Variants in PXDC1 observed in about 807,000 individuals in gnomAD.
The protein encoded by PXDC1 is PX domain containing 1, also known as PX domain-containing protein 1.
Under a neutral mutation model 24.4 loss-of-function variants are expected in PXDC1, and 13 were observed. The ratio of observed to expected loss-of-function variants is 0.53; its 90% confidence interval spans 0.35 to 0.85. The LOEUF is 0.85. PXDC1 is among the 40% of genes least tolerant of loss of function. The pLI is 0.01. For missense variants in PXDC1, 344 were observed against 309.3 expected, an observed-to-expected ratio of 1.11 and a Z score of -0.84; for synonymous variants, 162 against 124.9, an observed-to-expected ratio of 1.30 and a Z score of -1.98.
rs1760040345 is a variant in PXDC1 at position 3,725,407 on chromosome 6, CTG to C, written c.579-1673_579-1672del. ...CAGGCAATCCCTTCGCCAGCTGAGA[CTG>C]TCACCTGCAGAGCCCCAGAAGTCCC... is the stretch of plus-strand genomic sequence containing the variant. On this transcript the variant is annotated intron_variant, in intron 4 of 4. Transcript: ENST00000380283. The surrounding 1 kb of genome is among the most constrained non-coding windows in gnomAD (Gnocchi z 4.8). Among the ~76,000 whole-genome samples, 1 of 152,250 alleles carries C rather than the reference CTG, an allele frequency of 6.6e-6. No individual in the cohort carries two copies. Among genetic ancestry groups the C allele is most frequent in the South Asian group, 2.1e-4 (1 of 4,838 alleles).
chr6:3,751,124 C>T, intron 1 of PXDC1, 152 bp downstream of exon 1: 1 of 602,948 alleles, frequency 1.7e-6, no homozygotes, highest in Non-Finnish European at 2.6e-6. Context: ...GCCCGGGCAC[C>T]CCTCGTCTGC....
intron 4 of PXDC1, 45 bp downstream of exon 4, chr6:3,727,506 G>C (rs1204713588): frequency 1.7e-5 from 23 of 1,387,530 alleles, no homozygotes; most frequent in Non-Finnish European, 2.3e-5. Flanking sequence ...CAAGGCAAAT[G>C]GCTCAGGACA....
intron 4 of PXDC1, among the ~76,000 whole-genome samples, chr6:3,726,419 G>A (rs1008852317): frequency 1.3e-5 from 2 of 152,356 alleles, no homozygotes; most frequent in East Asian, 1.9e-4. Context: ...TGGCCCCACC[G>A]GCACAGCCTC....
intron 1 of PXDC1, among the ~76,000 whole-genome samples, chr6:3,738,356 T>C (rs1432647525): frequency 1.3e-5 from 2 of 152,162 alleles, no homozygotes; most frequent in Admixed American, 6.5e-5. Flanking sequence ...CAGTGATCCA[T>C]AAAGTCTGTG....
Position 3,725,102 on chromosome 6 carries a change from G to A in PXDC1, c.579-1366C>T, listed in dbSNP as rs1019833808. 1.3e-5 allele frequency among the ~76,000 whole-genome samples: 2 copies of A among 152,132 alleles called. No individual in the cohort carries two copies. The highest frequency in any genetic ancestry group is 2.4e-5 in the African/African-American group (1 of 41,422). ...GAGCAGCTCTCCAACTTCATCCAGG[G>A]AATGAAATCTCTTCCCCAGACCAGG... On this transcript the variant is annotated intron_variant, in intron 4 of 4. Coordinates refer to ENST00000380283, the MANE Select transcript of PXDC1 (RefSeq NM_183373.4). The surrounding 1 kb of genome is among the most constrained non-coding windows in gnomAD (Gnocchi z 4.8).
chr6:3,744,641 G>A (rs971630273), intron 1 of PXDC1, among the ~76,000 whole-genome samples: 5 of 152,350 alleles, frequency 3.3e-5, no homozygotes, highest in Admixed American at 6.5e-5. Context: ...AGGAGGCAAC[G>A]GCTTCCCACG....
Position 3,751,505 on chromosome 6 carries a change from C to A in PXDC1, c.27G>T (p.Thr9=), listed in dbSNP as rs369797402. The A allele has an allele frequency of 6.2e-7, 1 of 1,601,298 alleles. No homozygotes were observed. The highest frequency in any genetic ancestry group is 8.5e-7 in the Non-Finnish European group (1 of 1,175,788). ...CGCGCACGAACATGTTCACGAGCGA[C>A]GTGCCCTCAAACACCGCCGAGGCCA... MASAVFEG[T]SLVNMFVRGC... Residue 9 remains threonine (T), a synonymous_variant, in exon 1 of 5, where the codon ACG becomes ACT. Transcript: ENST00000380283.
At chr6:3,746,829 G>T (rs1760582411) in intron 1 of PXDC1, among the ~76,000 whole-genome samples, 1 of 152,148 alleles carries the variant, frequency 6.6e-6, no homozygotes, top group African/African-American at 2.4e-5. Context: ...AGAACAGCAT[G>T]AGCAGGTTCA....
At chr6:3,733,193 T>C (rs1760239915) in intron 3 of PXDC1, among the ~76,000 whole-genome samples, 1 of 152,078 alleles carries the variant, frequency 6.6e-6, no homozygotes, top group South Asian at 2.1e-4. Context: ...GTTCATATCC[T>C]GGAGAAAGGG....
intron 1 of PXDC1, among the ~76,000 whole-genome samples, chr6:3,749,278 C>T (rs1235014635): frequency 6.6e-6 from 1 of 151,646 alleles, no homozygotes; most frequent in Non-Finnish European, 1.5e-5. Context: ...AAGTCCTTTA[C>T]ACCCAGCCGC....
chr6:3,737,426 G>A lies in PXDC1; in HGVS notation c.349-230C>T, dbSNP rs541547743. Among the ~76,000 whole-genome samples the A allele has an allele frequency of 1.4e-4, 22 of 152,360 alleles. No individual in the cohort carries two copies. In the South Asian group the frequency reaches 4.6e-3, roughly 32 times the overall value. ...GAAAGGCAAGGCCTCAGCGACCTGG[G>A]CAGTGGAGGGAATCATGGCTCTGAT... is the stretch of plus-strand genomic sequence containing the variant. On this transcript the variant is annotated intron_variant, in intron 2 of 4. Transcript: ENST00000380283. This position sits in a 1 kb window ranked among gnomAD's most constrained non-coding sequence, Gnocchi z 5.5.
In PXDC1 at chr6:3,724,270, G is replaced by C. The variant is rs1164608715; in HGVS notation, c.579-534C>G. On this transcript the variant is annotated intron_variant, in intron 4 of 4. Transcript: ENST00000380283. The surrounding 1 kb of genome is among the most constrained non-coding windows in gnomAD (Gnocchi z 4.5). ...CACCTTCTAGCGGGGAAGCCTGCATGTGGGTACGTGTTTCATTCGCGCTCT... is the reference window on the plus strand; with the variant it reads ...CACCTTCTAGCGGGGAAGCCTGCATCTGGGTACGTGTTTCATTCGCGCTCT... Among the ~76,000 whole-genome samples the C allele has an allele frequency of 6.6e-6, 1 of 152,162 alleles. No individual in the cohort carries two copies. Among genetic ancestry groups the C allele is most frequent in the Admixed American group, 6.5e-5 (1 of 15,286 alleles).
Position 3,723,736 on chromosome 6 carries a change from T to G in PXDC1, c.579A>C (p.Leu193Phe), listed in dbSNP as rs1403928382. 1 of 1,613,602 alleles carries G rather than the reference T, an allele frequency of 6.2e-7. No individual in the cohort carries two copies. The highest frequency in any genetic ancestry group is 1.7e-5 in the Admixed American group (1 of 60,020). The change falls in exon 5 of 5, where the codon TTA (leucine) becomes TTC (phenylalanine). Residue 193 changes from leucine (L) to phenylalanine (F), a missense_variant and splice_region_variant. Physicochemically the swap from Leu to Phe is conservative, Grantham distance 22. Transcript: ENST00000380283. Reference sequence around the variant, plus strand: ...AGGGAAACTCACTGCCATTCTCAAATCTGAAATTAGAGAAACCAGAGGTGA... The same window carrying G: ...AGGGAAACTCACTGCCATTCTCAAAGCTGAAATTAGAGAAACCAGAGGTGA... ...QQLGVDPTEHLFENGSEFPSE... is the reference protein window; with the variant it reads ...QQLGVDPTEHFFENGSEFPSE...
At chr6:3,736,282 A>G (rs1760312754) in intron 3 of PXDC1, among the ~76,000 whole-genome samples, 1 of 152,118 alleles carries the variant, frequency 6.6e-6, no homozygotes, top group Admixed American at 6.5e-5. Context: ...AATGATGGAC[A>G]CAGGCCCCCT....
chr6:3,738,338 C>T (rs557179565), intron 1 of PXDC1, among the ~76,000 whole-genome samples, 190 bp from the exon 2 acceptor site: 2 of 152,362 alleles, frequency 1.3e-5, no homozygotes, highest in East Asian at 3.9e-4. Flanking sequence ...TTCCATGTTT[C>T]ACCTACCCAG....
At position 3,737,911 on chromosome 6, in the gene PXDC1, C is replaced by T. The variant is rs541986889; in HGVS notation, c.348+146G>A. 5 of 734,710 alleles carry T rather than the reference C, an allele frequency of 6.8e-6. No individual in the cohort carries two copies. Among genetic ancestry groups the T allele is most frequent in the Non-Finnish European group, 9.1e-6 (4 of 440,944 alleles). 45.5% of individuals were successfully genotyped at this position (734,710 alleles called of 1,614,324 possible). ...CTGCACACCTCCACTCCGTCCCTAT[C>T]GCCTGGTACTACCAGGGAGGGAACA... On this transcript the variant is annotated intron_variant, in intron 2 of 4. Coordinates refer to ENST00000380283, the MANE Select transcript of PXDC1 (RefSeq NM_183373.4). This position sits in a 1 kb window ranked among gnomAD's most constrained non-coding sequence, Gnocchi z 5.5.
intron 3 of PXDC1, among the ~76,000 whole-genome samples, chr6:3,732,901 G>A (rs1405790563): frequency 6.6e-6 from 1 of 152,238 alleles, no homozygotes; most frequent in Non-Finnish European, 1.5e-5. Context: ...GAGGGTGGAT[G>A]TGGGCTCTCG....
intron 1 of PXDC1, chr6:3,751,020 T>C (rs978985155): frequency 9.1e-6 from 4 of 441,898 alleles, no homozygotes; most frequent in Admixed American, 4.6e-5. Context: ...GCGCCCGCCC[T>C]GCCGGCCTCG....
At chr6:3,723,975 T>G (rs1759999535) in intron 4 of PXDC1, among the ~76,000 whole-genome samples, 1 of 152,218 alleles carries the variant, frequency 6.6e-6, no homozygotes, top group African/African-American at 2.4e-5. Flanking sequence ...CTTCATCCAT[T>G]CCTTCATTCA....
Sources: allele counts gnomAD v4.1 joint callset (sites outside exome capture counted in the v4.1 genomes callset), GRCh38; gene constraint gnomAD v4.1.1; non-coding constraint Gnocchi (gnomAD v3.1); transcripts MANE v1.5; gene names NCBI Gene and HGNC (gene_info 2026-07-23, HGNC 2026-07-21).